The following FMN1 variants were observed in gnomAD, a reference collection of about 807,000 sequenced individuals.
The protein encoded by FMN1 is formin-1.
A neutral mutation model predicts 132.4 loss-of-function variants in FMN1; 110 were observed. The observed-to-expected ratio is 0.83, with a 90% CI of 0.71 to 0.97. FMN1 has a LOEUF of 0.97. Among genes scored for constraint, FMN1 ranks in the 50% least tolerant of loss-of-function variants. FMN1 has a pLI of 0.00. For missense variants in FMN1, 1,792 were observed against 1,705.3 expected, an observed-to-expected ratio of 1.05 and a Z score of -0.90; for synonymous variants, 722 against 651.7, an observed-to-expected ratio of 1.11 and a Z score of -1.64.
At chr15:33,109,255 T>C (rs531312335) in intron 4 of FMN1, among the ~76,000 whole-genome samples, 3 of 152,144 alleles carry the variant, frequency 2.0e-5, no homozygotes, top group Non-Finnish European at 4.4e-5. Flanking sequence ...AAAAACAACA[T>C]AGAAATCCAC....
chr15:33,070,632 A>G (rs989077413), intron 5 of FMN1, among the ~76,000 whole-genome samples: 1 of 152,026 alleles, frequency 6.6e-6, no homozygotes, highest in Non-Finnish European at 1.5e-5. Flanking sequence ...GTCCCAGGAG[A>G]TTATCTGATT....
At chr15:32,859,273 T>G (rs746940224) in intron 16 of FMN1, among the ~76,000 whole-genome samples, 1 of 152,228 alleles carries the variant, frequency 6.6e-6, no homozygotes, top group Non-Finnish European at 1.5e-5. Flanking sequence ...AAACTATTAA[T>G]GGGTTCTCAT....
intron 9 of FMN1, among the ~76,000 whole-genome samples, chr15:32,939,555 C>A (rs535176299): frequency 8.6e-4 from 130 of 152,020 alleles, no homozygotes; most frequent in African/African-American, 3.0e-3. Context: ...TTATGTTGAA[C>A]CATCTATTAA....
chr15:32,838,643 T>C (rs1254323226), intron 17 of FMN1, among the ~76,000 whole-genome samples: 3 of 152,188 alleles, frequency 2.0e-5, no homozygotes, highest in Admixed American at 1.3e-4. Context: ...GTGACCTCTG[T>C]TGTCAGCATT....
chr15:32,908,028 T>G (rs1251395510), intron 12 of FMN1: 1 of 159,366 alleles, frequency 6.3e-6, no homozygotes, highest in Non-Finnish European at 1.4e-5. Flanking sequence ...AAAGCCACAT[T>G]TGGGCAGAGC....
At chr15:32,854,849 G>A (rs1388151408) in intron 17 of FMN1, among the ~76,000 whole-genome samples, 2 of 151,886 alleles carry the variant, frequency 1.3e-5, no homozygotes, top group African/African-American at 4.8e-5. Flanking sequence ...GGGAGGTGGA[G>A]GTTGCAGTGA....
intron 15 of FMN1, among the ~76,000 whole-genome samples, chr15:32,896,491 G>A (rs888756099): frequency 1.3e-5 from 2 of 152,066 alleles, no homozygotes; most frequent in Non-Finnish European, 2.9e-5. Context: ...GTACAGTATA[G>A]TATTGTTAGC....
In FMN1 at chr15:32,848,082, G is replaced by C. The variant is rs141667950; in HGVS notation, c.3928+8933C>G. Among the ~76,000 whole-genome samples the C allele has an allele frequency of 2.7e-3, 409 of 152,086 alleles. 3 individuals carry two copies. Among genetic ancestry groups the C allele is most frequent in the Non-Finnish European group, 1.8e-3 (120 of 67,996 alleles). ...TACATTGAAGCACCTGTGTAATGAA[G>C]AGCCCAAATGAAATAAAGAACAGGA... On this transcript the variant is annotated intron_variant, in intron 17 of 20. Coordinates refer to ENST00000616417, the MANE Select transcript of FMN1 (RefSeq NM_001277313.2).
chr15:33,154,050 C>T lies in FMN1; in HGVS notation c.865G>A (p.Glu289Lys). 1 of 1,536,120 alleles carries T rather than the reference C, an allele frequency of 6.5e-7. No individual in the cohort carries two copies. The highest frequency in any genetic ancestry group is 1.2e-5 in the South Asian group (1 of 84,056). The change falls in exon 4 of 21, where the codon GAG becomes AAG. Residue 289 changes from glutamate (E) to lysine (K), a missense_variant. Physicochemically the swap from Glu to Lys is moderately conservative, Grantham distance 56. Transcript: ENST00000616417. ...DGIRRPPSGL[E>K]HQQTGLSESH... ...TCAGACAAACCTGTTTGCTGATGCT[C>T]CAGCCCGCTCGGCGGCCTCCGAATG...
chr15:33,004,715 G>A (rs1179624872), intron 7 of FMN1, among the ~76,000 whole-genome samples: 3 of 152,134 alleles, frequency 2.0e-5, no homozygotes, highest in African/African-American at 7.2e-5. Context: ...TATAAATCAT[G>A]CTGCTATAAA....
At chr15:33,049,480 G>A (rs558333799) in intron 6 of FMN1, among the ~76,000 whole-genome samples, 3 of 152,228 alleles carry the variant, frequency 2.0e-5, no homozygotes, top group Admixed American at 2.0e-4. Context: ...TGTTTCCAGG[G>A]GGTTTCAAGA....
At chr15:32,867,159 T>A (rs919882940) in intron 16 of FMN1, among the ~76,000 whole-genome samples, 4 of 152,214 alleles carry the variant, frequency 2.6e-5, no homozygotes, top group African/African-American at 7.2e-5. Flanking sequence ...TCTTCCCATA[T>A]CCACCCTGCC....
Position 32,767,904 on chromosome 15 carries a change from C to G in FMN1, c.*6406G>C, listed in dbSNP as rs1260992648. Reference sequence around the variant, plus strand: ...AGCCTTCCAAATATTATGCAGAACACAATCTCAGTGGCGCTGAGCTACCTT... The same window carrying G: ...AGCCTTCCAAATATTATGCAGAACAGAATCTCAGTGGCGCTGAGCTACCTT... On this transcript the variant is annotated 3_prime_UTR_variant, in exon 21 of 21. Transcript: ENST00000616417. The G allele has an allele frequency of 6.6e-6, 1 of 152,218 alleles. No individual in the cohort carries two copies. Among genetic ancestry groups the G allele is most frequent in the African/African-American group, 2.4e-5 (1 of 41,460 alleles). 9.4% of individuals were successfully genotyped at this position (152,218 alleles called of 1,614,324 possible). A position where few individuals can be genotyped will look rare whatever the true frequency, so the allele number is the denominator to read the frequency against.
chr15:32,940,981 A>G (rs1164564021), intron 9 of FMN1, among the ~76,000 whole-genome samples: 2 of 151,336 alleles, frequency 1.3e-5, no homozygotes, highest in African/African-American at 2.5e-5. Flanking sequence ...GGAGTTAGTT[A>G]GCTTGCCTTA....
At chr15:33,101,462 G>GAA (rs58693072) in intron 4 of FMN1, among the ~76,000 whole-genome samples, 4 of 145,420 alleles carry the variant, frequency 2.8e-5, no homozygotes, top group African/African-American at 7.4e-5. Flanking sequence ...ATGAGCTTAA[G>GAA]AAAAAAAAAA....
intron 16 of FMN1, among the ~76,000 whole-genome samples, chr15:32,868,899 CAACAATGAGA>C (rs2059453153): frequency 6.6e-6 from 1 of 152,106 alleles, no homozygotes; most frequent in East Asian, 1.9e-4. Context: ...CACAGTCTAG[CAACAATGAGA>C]AACAAGGAAA....
chr15:33,125,677 T>C (rs1197203536), intron 4 of FMN1, among the ~76,000 whole-genome samples: 1 of 146,720 alleles, frequency 6.8e-6, no homozygotes, highest in Admixed American at 6.9e-5. Context: ...TCGTCTCTAC[T>C]AAAATACAAA....
chr15:32,769,473 T>G lies in FMN1; in HGVS notation c.*4837A>C, dbSNP rs749482687. The G allele has an allele frequency of 6.6e-6, 1 of 152,204 alleles. No individual in the cohort carries two copies. The allele number at this position is 152,204 out of a possible 1,614,324, so 9.4% of individuals were successfully genotyped here. ...GGGCTTCCCAGTCACAGACAAGCTG[T>G]GTAACTGAGCCCGGTTATGCCTGGA... On this transcript the variant is annotated 3_prime_UTR_variant, in exon 21 of 21. Coordinates refer to ENST00000616417, the MANE Select transcript of FMN1 (RefSeq NM_001277313.2).
At chr15:32,831,849 T>C (rs965031180) in intron 17 of FMN1, among the ~76,000 whole-genome samples, 1 of 152,100 alleles carries the variant, frequency 6.6e-6, no homozygotes, top group Non-Finnish European at 1.5e-5. Context: ...GGAAGTATTT[T>C]GAATATTTGC....
Sources: allele counts gnomAD v4.1 joint callset (sites outside exome capture counted in the v4.1 genomes callset), GRCh38; gene constraint gnomAD v4.1.1; transcripts MANE v1.5; gene names NCBI Gene and HGNC (gene_info 2026-07-23, HGNC 2026-07-21).